CACNA1A: variants seen among roughly 807,000 people sequenced by gnomAD.
CACNA1A encodes the protein calcium voltage-gated channel subunit alpha1 A.
In CACNA1A, 57 loss-of-function variants were observed where a neutral mutation model predicts 262.4. That is an observed-to-expected ratio of 0.22 (90% CI 0.18 to 0.27). CACNA1A has a LOEUF of 0.27. Among genes scored for constraint, CACNA1A ranks in the 10% least tolerant of loss-of-function variants. The probability of loss-of-function intolerance (pLI) is 1.00; values close to 1 mark genes in which losing one functional copy is unlikely to be tolerated. For synonymous variants in CACNA1A, 1,431 were observed against 1,419.3 expected (o/e 1.01, Z -0.18); for missense variants, 2,526 against 3,562.8 (o/e 0.71, Z 7.41).
chr19:13,449,774 G>A (rs2060881697), intron 3 of CACNA1A, among the ~76,000 whole-genome samples: 11 of 152,180 alleles, frequency 7.2e-5, no homozygotes, highest in Admixed American at 7.2e-4. Flanking sequence ...TAAAATTCAG[G>A]AAAGTGCCCC....
intron 19 of CACNA1A, among the ~76,000 whole-genome samples, chr19:13,292,600 A>G (rs1448260526): frequency 1.3e-5 from 2 of 152,062 alleles, no homozygotes; most frequent in Non-Finnish European, 2.9e-5. Context: ...TGGATGACAA[A>G]GCGAGACCAT....
intron 3 of CACNA1A, among the ~76,000 whole-genome samples, chr19:13,376,168 A>T (rs957849483): frequency 5.9e-5 from 9 of 152,242 alleles, no homozygotes; most frequent in African/African-American, 2.2e-4. Context: ...GCAGTAAGTT[A>T]TCCAGAAGAT....
intron 2 of CACNA1A, among the ~76,000 whole-genome samples, chr19:13,454,384 C>T (rs982861000): frequency 6.6e-6 from 1 of 151,778 alleles, no homozygotes; most frequent in African/African-American, 2.4e-5. Flanking sequence ...GCCTCCCCCC[C>T]ACCAAGATGG....
At chr19:13,421,136 G>T (rs1046800564) in intron 3 of CACNA1A, among the ~76,000 whole-genome samples, 2 of 152,158 alleles carry the variant, frequency 1.3e-5, no homozygotes, top group African/African-American at 4.8e-5. Flanking sequence ...ATCATTTGGT[G>T]GTAGAAAAGA....
At chr19:13,292,349 G>A (rs943676196) in intron 19 of CACNA1A, among the ~76,000 whole-genome samples, 1 of 152,038 alleles carries the variant, frequency 6.6e-6, no homozygotes, top group African/African-American at 2.4e-5. Context: ...AAGGTAGCTC[G>A]CTCCTGTAAT....
At chr19:13,320,774 T>C (rs1183857504) in intron 10 of CACNA1A, among the ~76,000 whole-genome samples, 1 of 152,216 alleles carries the variant, frequency 6.6e-6, no homozygotes, top group Non-Finnish European at 1.5e-5. Context: ...GGAATTATAA[T>C]TGCAGACAAT....
At position 13,265,695 on chromosome 19, in the gene CACNA1A, C is replaced by T. The variant is rs138311437; in HGVS notation, c.3990-2862G>A. 1.0e-3 allele frequency among the ~76,000 whole-genome samples: 152 copies of T among 152,256 alleles called. 1 individual carries two copies. The highest frequency in any genetic ancestry group is 3.5e-3 in the African/African-American group (144 of 41,544). The stretch of plus-strand genomic sequence containing the variant: ...TATTATACTTTAAGTTTCTTTTCCA[C>T]GTATCTTTCAGACGCTCTGCTTTTG... On this transcript the variant is annotated intron_variant, in intron 24 of 46. Transcript: ENST00000360228.
intron 24 of CACNA1A, chr19:13,275,568 C>T: frequency 2.1e-6 from 1 of 474,752 alleles, no homozygotes; most frequent in South Asian, 2.3e-5. Context: ...GGCTAGTCTA[C>T]AGGAAGCTGC....
At chr19:13,232,939 C>T (rs1451768120) in intron 34 of CACNA1A, among the ~76,000 whole-genome samples, 3 of 151,374 alleles carry the variant, frequency 2.0e-5, no homozygotes, top group South Asian at 2.1e-4. Flanking sequence ...ATCTCAGCTA[C>T]TCGGGAGGCT....
chr19:13,479,019 C>T (rs1391018399), intron 1 of CACNA1A, among the ~76,000 whole-genome samples: 1 of 152,068 alleles, frequency 6.6e-6, no homozygotes, highest in Non-Finnish European at 1.5e-5. Context: ...ACTAAAAATA[C>T]AAAAATTAGC....
chr19:13,293,346 C>G (rs2057586634), intron 19 of CACNA1A, among the ~76,000 whole-genome samples: 1 of 150,916 alleles, frequency 6.6e-6, no homozygotes, highest in Admixed American at 6.6e-5. Context: ...AGTGAGACCC[C>G]AAAATGCTAC....
At chr19:13,327,764 G>A (rs972606151) in intron 10 of CACNA1A, among the ~76,000 whole-genome samples, 2 of 151,936 alleles carry the variant, frequency 1.3e-5, no homozygotes, top group African/African-American at 2.4e-5. Flanking sequence ...GTACAGACAC[G>A]GTTTCACCAT....
chr19:13,464,698 G>A (rs562402614), intron 1 of CACNA1A, among the ~76,000 whole-genome samples: 3 of 145,828 alleles, frequency 2.1e-5, no homozygotes, highest in Admixed American at 6.9e-5. Context: ...ACAGGCGCCT[G>A]CCACCGCGCC....
intron 4 of CACNA1A, 23 bp from the exon 5 acceptor site, chr19:13,365,492 C>A: frequency 6.2e-7 from 1 of 1,609,538 alleles, no homozygotes; most frequent in East Asian, 2.2e-5. Flanking sequence ...AGAGAGAGGC[C>A]CCATAAGCCC....
At chr19:13,251,515 G>A (rs763528527) in intron 30 of CACNA1A, among the ~76,000 whole-genome samples, 1 of 152,012 alleles carries the variant, frequency 6.6e-6, no homozygotes, top group African/African-American at 2.4e-5. Context: ...AAAAAACACT[G>A]AGTAACAAAT....
At chr19:13,277,228 C>A in intron 22 of CACNA1A, 100 bp from the exon 23 acceptor site, 1 of 795,108 alleles carries the variant, frequency 1.3e-6, no homozygotes, top group South Asian at 1.5e-5. Flanking sequence ...AGTTTCTACC[C>A]AGAAGAGGAA....
Position 13,241,391 on chromosome 19 carries a change from A to G in CACNA1A, c.4950+3791T>C, listed in dbSNP as rs1178090991. On this transcript the variant is annotated intron_variant, in intron 31 of 46. Coordinates refer to ENST00000360228, the MANE Select transcript of CACNA1A (RefSeq NM_001127222.2). This position sits in a 1 kb window ranked among gnomAD's most constrained non-coding sequence, Gnocchi z 4.0. The stretch of plus-strand genomic sequence containing the variant: ...GCGGGAGGACAGACAGACAGAGGAG[A>G]GCGGAGGGTTGAGGAGAGCGTCAGG... 1 of 706,788 alleles carries G rather than the reference A, an allele frequency of 1.4e-6. No homozygotes were observed. The highest frequency in any genetic ancestry group is 2.6e-6 in the Non-Finnish European group (1 of 389,976). The allele number at this position is 706,788 out of a possible 1,614,324, so 43.8% of individuals were successfully genotyped here. A position where few individuals can be genotyped will look rare whatever the true frequency, so the allele number is the denominator to read the frequency against.
In CACNA1A at chr19:13,239,477, G is replaced by C. The variant is rs183628033; in HGVS notation, c.4951-3747C>G. ...CTGCCTCCCCCACCTGACTGTATGT[G>C]GTAAGAGGGGACAGTAATGGTGTCT... On this transcript the variant is annotated intron_variant, in intron 31 of 46. Transcript: ENST00000360228. Among the ~76,000 whole-genome samples the C allele has an allele frequency of 4.5e-4, 68 of 152,304 alleles. No individual in the cohort carries two copies. The East Asian group carries it at 0.013, about 29-fold the overall frequency.
chr19:13,212,101 A>C lies in CACNA1A; in HGVS notation c.6303+2T>G. On this transcript the variant is annotated splice_donor_variant, in intron 43 of 46. Coordinates refer to ENST00000360228, the MANE Select transcript of CACNA1A (RefSeq NM_001127222.2). LOFTEE classifies it high-confidence loss of function. The surrounding 1 kb of genome is among the most constrained non-coding windows in gnomAD (Gnocchi z 5.6). Reference sequence around the variant, plus strand: ...CCCCAGGGCAGTGGTGAAAGCCCTCACCTGGTTCTCTGCAGGGAGGCGGGG... The same window carrying C: ...CCCCAGGGCAGTGGTGAAAGCCCTCCCCTGGTTCTCTGCAGGGAGGCGGGG... 6.2e-7 allele frequency: 1 copy of C among 1,605,128 alleles called. No homozygotes were observed. Among genetic ancestry groups the C allele is most frequent in the Non-Finnish European group, 8.5e-7 (1 of 1,173,100 alleles).
Sources: allele counts gnomAD v4.1 joint callset (sites outside exome capture counted in the v4.1 genomes callset), GRCh38; gene constraint gnomAD v4.1.1; non-coding constraint Gnocchi (gnomAD v3.1); transcripts MANE v1.5; gene names NCBI Gene and HGNC (gene_info 2026-07-23, HGNC 2026-07-21).